OSBPL9: variants seen among roughly 807,000 people sequenced by gnomAD.
OSBPL9 encodes oxysterol binding protein like 9, also known as oxysterol-binding protein-related protein 9.
A neutral mutation model predicts 106.6 loss-of-function variants in OSBPL9; 40 were observed. The ratio of observed to expected loss-of-function variants is 0.38; its 90% CI spans 0.29 to 0.49. The LOEUF (loss-of-function observed/expected upper bound fraction) is 0.49. OSBPL9 is among the 20% of genes least tolerant of loss of function. The pLI is 0.97. For synonymous variants in OSBPL9, 269 were observed against 295.4 expected (o/e 0.91, Z 0.92); for missense variants, 609 against 887.2 (o/e 0.69, Z 3.98).
intron 2 of OSBPL9, among the ~76,000 whole-genome samples, chr1:51,666,005 G>T (rs1406387356): frequency 1.3e-5 from 2 of 151,902 alleles, no homozygotes; most frequent in Non-Finnish European, 2.9e-5. Flanking sequence ...GCGCCACCAT[G>T]CCTGGCTAAT....
Position 51,718,462 on chromosome 1 carries a change from T to C in OSBPL9, c.318+4383T>C, listed in dbSNP as rs185652437. Reference sequence around the variant, plus strand: ...TCAAAATATTTATACTCCAAAAATATATATACCTACTATGTACCCACAAAA... The same window carrying C: ...TCAAAATATTTATACTCCAAAAATACATATACCTACTATGTACCCACAAAA... On this transcript the variant is annotated intron_variant, in intron 4 of 23. Transcript: ENST00000428468. 3.7e-4 allele frequency among the ~76,000 whole-genome samples: 57 copies of C among 152,338 alleles called. 1 individual carries two copies. The highest frequency in any genetic ancestry group is 1.4e-3 in the African/African-American group (57 of 41,576).
upstream of OSBPL9, chr1:51,617,088 T>A: frequency 6.3e-7 from 1 of 1,599,032 alleles, no homozygotes; most frequent in Non-Finnish European, 8.5e-7. Flanking sequence ...TCAGGCCGTT[T>A]GTTGTCATTG....
intron 7 of OSBPL9, among the ~76,000 whole-genome samples, chr1:51,749,942 C>T (rs557339412): frequency 5.3e-5 from 8 of 150,578 alleles, no homozygotes; most frequent in East Asian, 1.9e-4. Context: ...TTGTGGCATT[C>T]GTTAAAATTC....
chr1:51,768,058 C>T (rs1006902542), intron 12 of OSBPL9, among the ~76,000 whole-genome samples: 1 of 148,760 alleles, frequency 6.7e-6, no homozygotes, highest in Non-Finnish European at 1.5e-5. Flanking sequence ...TTTCCTGCCT[C>T]AGCCTCCCGA....
At chr1:51,675,368 A>AATTT (rs1267111339) in intron 3 of OSBPL9, among the ~76,000 whole-genome samples, 7 of 151,288 alleles carry the variant, frequency 4.6e-5, no homozygotes, top group South Asian at 2.1e-4. Context: ...TTAATTAATT[A>AATTT]ATTTATTTAT....
intron 11 of OSBPL9, among the ~76,000 whole-genome samples, chr1:51,765,082 T>C (rs1375532231): frequency 1.3e-5 from 2 of 152,234 alleles, no homozygotes; most frequent in Non-Finnish European, 2.9e-5. Context: ...TTGATACTTT[T>C]TTGTTCTTGC....
At chr1:51,645,912 A>AT (rs1646126434) in intron 1 of OSBPL9, among the ~76,000 whole-genome samples, 2 of 152,098 alleles carry the variant, frequency 1.3e-5, no homozygotes, top group African/African-American at 4.8e-5. Flanking sequence ...GTAAAAAAAA[A>AT]TCACTTGATT....
the OSBPL9 span, chr1:51,561,590 A>G: frequency 6.6e-6 from 1 of 152,216 alleles, no homozygotes; most frequent in Admixed American, 6.5e-5. Flanking sequence ...GTACTTAACA[A>G]TAGAGAATAT....
intron 3 of OSBPL9, among the ~76,000 whole-genome samples, chr1:51,679,384 AT>A (rs1397495778): frequency 1.3e-5 from 2 of 152,214 alleles, no homozygotes; most frequent in Non-Finnish European, 2.9e-5. Flanking sequence ...CACTTTAGAA[AT>A]TTGGGAAAAG....
chr1:51,542,727 G>A, the OSBPL9 span, among the ~76,000 whole-genome samples: 1 of 152,200 alleles, frequency 6.6e-6, no homozygotes, highest in Non-Finnish European at 1.5e-5. Flanking sequence ...TGAAACTTAA[G>A]AAACTAGGTC....
chr1:51,564,649 C>G, the OSBPL9 span, among the ~76,000 whole-genome samples: 2 of 152,234 alleles, frequency 1.3e-5, no homozygotes, highest in African/African-American at 4.8e-5. Flanking sequence ...ACCAAATTCA[C>G]AGTCATTCAA....
In OSBPL9 at chr1:51,617,798, T is replaced by G. The variant is rs111463727; in HGVS notation, c.111+577T>G. Among the ~76,000 whole-genome samples, 1,092 of 152,216 alleles carry G rather than the reference T, an allele frequency of 7.2e-3. 10 individuals are homozygous for G. The highest frequency in any genetic ancestry group is 0.025 in the African/African-American group (1,050 of 41,526). On this transcript the variant is annotated intron_variant, in intron 1 of 23. Coordinates refer to ENST00000428468, the MANE Select transcript of OSBPL9 (RefSeq NM_024586.6). ...CATTCAAGGGACGCACCCCTCTATT[T>G]AGCGGGAGGCGAGCTCAAACGACGC...
intron 2 of OSBPL9, among the ~76,000 whole-genome samples, chr1:51,598,814 C>T (rs571579028): frequency 6.6e-6 from 1 of 151,810 alleles, no homozygotes; most frequent in East Asian, 1.9e-4. Context: ...GCCAACATGG[C>T]GAAACCCAGT....
chr1:51,518,508 G>A, the OSBPL9 span: 2 of 152,944 alleles, frequency 1.3e-5, no homozygotes, highest in African/African-American at 4.8e-5. Flanking sequence ...GCTGCATTGG[G>A]GGTCTGACCC....
the OSBPL9 span, among the ~76,000 whole-genome samples, chr1:51,570,135 A>G: frequency 6.6e-6 from 1 of 152,196 alleles, no homozygotes; most frequent in Non-Finnish European, 1.5e-5. Flanking sequence ...GGTGACCAGA[A>G]TGAGGTTCTA....
the OSBPL9 span, among the ~76,000 whole-genome samples, chr1:51,530,297 A>C: frequency 6.6e-6 from 1 of 151,894 alleles, no homozygotes; most frequent in Non-Finnish European, 1.5e-5. Context: ...ACAAAAGAAA[A>C]ATTAGATAAA....
intron 1 of OSBPL9, among the ~76,000 whole-genome samples, chr1:51,644,828 A>G (rs1646046071): frequency 6.6e-6 from 1 of 152,174 alleles, no homozygotes. Flanking sequence ...CAGTTCTTGT[A>G]TCAACTCCTT....
intron 1 of OSBPL9, among the ~76,000 whole-genome samples, chr1:51,649,515 A>T (rs1309922050): frequency 6.6e-6 from 1 of 152,094 alleles, no homozygotes; most frequent in African/African-American, 2.4e-5. Context: ...GCCTTCGCTG[A>T]TGTTGTTTCC....
Position 51,767,973 on chromosome 1 carries a change from T to C in OSBPL9, c.938+1992T>C, listed in dbSNP as rs1258190566. On this transcript the variant is annotated intron_variant, in intron 12 of 23. Transcript: ENST00000428468. ...TTTTTTTTTTTTTTTTGAGACACAG[T>C]CTTTGTCGCCCAGGCTGGAGTGCAG... Among the ~76,000 whole-genome samples the C allele has an allele frequency of 8.9e-5, 10 of 112,566 alleles. No individual in the cohort carries two copies. The Admixed American group carries it at 1.3e-3, about 15-fold the overall frequency. 73.8% of individuals were successfully genotyped at this position (112,566 alleles called of 152,430 possible). A position where few individuals can be genotyped will look rare whatever the true frequency, so the allele number is the denominator to read the frequency against.
Sources: gnomAD v4.1 joint callset for allele counts (sites outside exome capture counted in the v4.1 genomes callset) on GRCh38, gnomAD v4.1.1 for gene constraint, MANE v1.5 for transcripts, NCBI Gene and HGNC (gene_info 2026-07-23, HGNC 2026-07-21) for gene names.